Variants in HSDL1 observed in about 807,000 individuals in gnomAD.
The protein encoded by HSDL1 is hydroxysteroid dehydrogenase like 1, also known as inactive hydroxysteroid dehydrogenase-like protein 1.
Under a neutral mutation model 31.5 loss-of-function variants are expected in HSDL1, and 29 were observed. The ratio of observed to expected loss-of-function variants is 0.92; its 90% CI spans 0.69 to 1.26. HSDL1 has a LOEUF of 1.26. Among genes scored for constraint, HSDL1 ranks in the 50% most tolerant of loss-of-function variants. The probability of loss-of-function intolerance (pLI) is 0.00; values close to 1 mark genes in which losing one functional copy is unlikely to be tolerated. For synonymous variants in HSDL1, 222 were observed against 155.2 expected (o/e 1.43, Z -3.20); for missense variants, 503 against 416.6 (o/e 1.21, Z -1.81).
chr16:84,135,379 G>A (rs1027281420), intron 2 of HSDL1, among the ~76,000 whole-genome samples, 165 bp downstream of exon 2: 1 of 152,210 alleles, frequency 6.6e-6, no homozygotes, highest in Non-Finnish European at 1.5e-5. Context: ...AGGAGGTCAG[G>A]CATGCCTCAT....
At chr16:84,130,901 G>A (rs2086657756) in intron 3 of HSDL1, 2 of 581,436 alleles carry the variant, frequency 3.4e-6, no homozygotes, top group East Asian at 2.8e-5. Context: ...AGCAGAATAG[G>A]AAGGATACCA....
At chr16:84,137,771 A>G (rs1435950154) in intron 1 of HSDL1, among the ~76,000 whole-genome samples, 1 of 152,222 alleles carries the variant, frequency 6.6e-6, no homozygotes, top group African/African-American at 2.4e-5. Flanking sequence ...CTTTCCCCAG[A>G]GCCACCAAAT....
Position 84,130,041 on chromosome 16 carries a change from G to C in HSDL1, c.611C>G (p.Ser204Cys). 1 of 1,614,200 alleles carries C rather than the reference G, an allele frequency of 6.2e-7. No homozygotes were observed. Residue 204 changes from serine to cysteine, a missense_variant, in exon 4 of 6, where the codon TCT (serine) becomes TGT (cysteine). Physicochemically the swap from Ser to Cys is moderately radical, Grantham distance 112. Coordinates refer to ENST00000219439, the MANE Select transcript of HSDL1 (RefSeq NM_031463.5). Reference sequence around the variant, plus strand: ...AGTGGGTTTGCAGCAGGAGCCAGAAGAGATCGTGACGATGGCACCTTTCTT... The same window carrying C: ...AGTGGGTTTGCAGCAGGAGCCAGAACAGATCGTGACGATGGCACCTTTCTT... ...ERKKGAIVTI[S>C]SGSCCKPTPQ...
At chr16:84,130,502 C>T (rs987074594) in intron 3 of HSDL1, 71 bp from the exon 4 acceptor site, 1 of 1,302,910 alleles carries the variant, frequency 7.7e-7, no homozygotes, top group African/African-American at 1.5e-5. Flanking sequence ...CCCAAAGTAC[C>T]CCCTGTCAGG....
chr16:84,124,548 G>T lies in HSDL1; in HGVS notation c.*82C>A. On this transcript the variant is annotated 3_prime_UTR_variant, in exon 6 of 6. Coordinates refer to ENST00000219439, the MANE Select transcript of HSDL1 (RefSeq NM_031463.5). ...GAATAATCAGCAATGAAACACAGGAGATAAATTAAATGTGTTTTTCCAAAT... is the reference window on the plus strand; with the variant it reads ...GAATAATCAGCAATGAAACACAGGATATAAATTAAATGTGTTTTTCCAAAT... 2 of 851,988 alleles carry T rather than the reference G, an allele frequency of 2.3e-6. No homozygotes were observed. The highest frequency in any genetic ancestry group is 4.0e-6 in the Non-Finnish European group (2 of 495,750). 52.8% of individuals were successfully genotyped at this position (851,988 alleles called of 1,614,324 possible). A position where few individuals can be genotyped will look rare whatever the true frequency, so the allele number is the denominator to read the frequency against.
chr16:84,126,358 G>A (rs2151184365), intron 5 of HSDL1, among the ~76,000 whole-genome samples: 1 of 152,212 alleles, frequency 6.6e-6, no homozygotes, highest in Middle Eastern at 3.4e-3. Context: ...GGGCCTTTGT[G>A]CTAGCAGCAG....
At chr16:84,130,879 G>A (rs2086657420) in intron 3 of HSDL1, 1 of 512,334 alleles carries the variant, frequency 2.0e-6, no homozygotes, top group Admixed American at 3.6e-5. Context: ...AGGAGGACTG[G>A]GAACAGGAGA....
At position 84,124,667 on chromosome 16, in the gene HSDL1, CG is replaced by C; in HGVS notation, c.955del (p.Arg319ValfsTer31). ...GGATAAGGCTTCCTTACGTAGTGAA[CG>C]GTTGAGAATATTTGCTCCCCACACC... ...LWVWGANILN[R>X]SLRKEALSCT... is the part of the protein sequence containing the mutation. On this transcript the variant is annotated frameshift_variant, in exon 6 of 6. Transcript: ENST00000219439. LOFTEE classifies it high-confidence loss of function. The C allele has an allele frequency of 6.2e-7, 1 of 1,613,706 alleles. No homozygotes were observed. The highest frequency in any genetic ancestry group is 8.5e-7 in the Non-Finnish European group (1 of 1,179,630).
intron 2 of HSDL1, among the ~76,000 whole-genome samples, chr16:84,134,119 C>A (rs1266891759): frequency 6.6e-6 from 1 of 152,082 alleles, no homozygotes; most frequent in South Asian, 2.1e-4. Flanking sequence ...TTAGGGCCCC[C>A]CCTTCAGTGT....
intron 2 of HSDL1, 95 bp downstream of exon 2, chr16:84,135,449 A>T (rs2086703743): frequency 6.6e-6 from 1 of 151,930 alleles, no homozygotes; most frequent in Admixed American, 6.6e-5. Flanking sequence ...AAGAATCTGA[A>T]CCTTTTTGAA....
At position 84,144,687 on chromosome 16, in the gene HSDL1, C is replaced by T. The variant is rs374988320; in HGVS notation, c.-69+393G>A. Among the ~76,000 whole-genome samples the T allele has an allele frequency of 9.3e-4, 141 of 151,852 alleles. 4 individuals carry two copies. The South Asian group carries it at 0.027, about 29-fold the overall frequency. ...CTCGGGGGAGGAGCCGGGTGAGAGG[C>T]TGCAGGGAGGGCAGGGCATGCGCCG... On this transcript the variant is annotated intron_variant, in intron 1 of 5. Coordinates refer to ENST00000219439, the MANE Select transcript of HSDL1 (RefSeq NM_031463.5).
chr16:84,138,596 T>C (rs973840851), intron 1 of HSDL1, among the ~76,000 whole-genome samples: 1 of 152,222 alleles, frequency 6.6e-6, no homozygotes, highest in African/African-American at 2.4e-5. Context: ...ATAATTTTAT[T>C]TGTCAATTAT....
intron 1 of HSDL1, among the ~76,000 whole-genome samples, chr16:84,142,150 A>G (rs1484917456): frequency 6.6e-6 from 1 of 152,044 alleles, no homozygotes; most frequent in East Asian, 1.9e-4. Flanking sequence ...CTGGTCTCAA[A>G]CTCGTAAGCT....
At position 84,132,980 on chromosome 16, in the gene HSDL1, A is replaced by G. The variant is rs1465736139; in HGVS notation, c.-6-1653T>C. On this transcript the variant is annotated intron_variant, in intron 2 of 5. Transcript: ENST00000219439. ...TTTTGAAGAAATCCCTTTAAAATAG[A>G]AAAAAAAAAAAAAGTCTGGATACTA... 9.3e-5 allele frequency among the ~76,000 whole-genome samples: 5 copies of G among 53,694 alleles called. No homozygotes were observed. In the South Asian group the frequency reaches 2.7e-3, roughly 29 times the overall value. 35.2% of individuals were successfully genotyped at this position (53,694 alleles called of 152,430 possible).
At position 84,131,082 on chromosome 16, in the gene HSDL1, T is replaced by G; in HGVS notation, c.220+20A>C. The G allele has an allele frequency of 6.4e-7, 1 of 1,569,808 alleles. No individual in the cohort carries two copies. The highest frequency in any genetic ancestry group is 8.7e-7 in the Non-Finnish European group (1 of 1,146,094). On this transcript the variant is annotated intron_variant, in intron 3 of 5. Coordinates refer to ENST00000219439, the MANE Select transcript of HSDL1 (RefSeq NM_031463.5). ...ATCCGACTTCACAGAAAAGATTATT[T>G]TGATTATAAAGTAGGTTACCGCTGA... is the stretch of plus-strand genomic sequence containing the variant.
chr16:84,140,024 C>T (rs1240257129), intron 1 of HSDL1, among the ~76,000 whole-genome samples: 1 of 152,162 alleles, frequency 6.6e-6, no homozygotes, highest in African/African-American at 2.4e-5. Flanking sequence ...CTAACAAGCA[C>T]CAACAACATG....
At chr16:84,144,812 A>C (rs1438416998) in intron 1 of HSDL1, among the ~76,000 whole-genome samples, 6 of 39,518 alleles carry the variant, frequency 1.5e-4, no homozygotes, top group African/African-American at 1.0e-4. Flanking sequence ...AGCCGGGGGA[A>C]GGGGGGCTCT....
chr16:84,134,262 G>T (rs2086692638), intron 2 of HSDL1, among the ~76,000 whole-genome samples: 1 of 152,106 alleles, frequency 6.6e-6, no homozygotes, highest in South Asian at 2.1e-4. Flanking sequence ...TGTAGCCCTT[G>T]AACAGTCATA....
chr16:84,142,762 C>G (rs2086780605), intron 1 of HSDL1, among the ~76,000 whole-genome samples: 1 of 152,132 alleles, frequency 6.6e-6, no homozygotes, highest in South Asian at 2.1e-4. Flanking sequence ...TCCTCAGCAC[C>G]TGACATGCTG....
Sources: gnomAD v4.1 joint callset for allele counts (sites outside exome capture counted in the v4.1 genomes callset) on GRCh38, gnomAD v4.1.1 for gene constraint, MANE v1.5 for transcripts, NCBI Gene and HGNC (gene_info 2026-07-23, HGNC 2026-07-21) for gene names.